PCDH11X: variants seen among roughly 807,000 people sequenced by gnomAD.
PCDH11X encodes protocadherin 11 X-linked, also known as protocadherin-11 X-linked.
Under a neutral mutation model 53.3 loss-of-function variants are expected in PCDH11X, and 18 were observed. The observed-to-expected ratio is 0.34, with a 90% CI of 0.23 to 0.50. PCDH11X has a LOEUF of 0.50. PCDH11X is among the 20% of genes least tolerant of loss of function. PCDH11X has a pLI of 0.98. For missense variants in PCDH11X, 570 were observed against 1,032.4 expected, an observed-to-expected ratio of 0.55 and a Z score of 6.14; for synonymous variants, 279 against 393.3, an observed-to-expected ratio of 0.71 and a Z score of 3.44.
chrX:91,896,143 G>T (rs2147776500), intron 6 of PCDH11X, among the ~76,000 whole-genome samples: 1 of 107,944 alleles, frequency 9.3e-6, no homozygotes, highest in African/African-American at 3.4e-5. Context: ...TATATTTTTT[G>T]AGACAGAGTC....
intron 7 of PCDH11X, among the ~76,000 whole-genome samples, chrX:92,217,746 A>G (rs1014419695): frequency 4.5e-5 from 5 of 110,890 alleles, no homozygotes; most frequent in Non-Finnish European, 9.4e-5. Flanking sequence ...TCAACAGAAT[A>G]TACATTGTTT....
At chrX:92,008,068 G>A (rs1193716538) in intron 6 of PCDH11X, among the ~76,000 whole-genome samples, 1 of 110,912 alleles carries the variant, frequency 9.0e-6, no homozygotes, top group Non-Finnish European at 1.9e-5. Context: ...TCTTCAAGTG[G>A]AAGAAAGGGG....
intron 10 of PCDH11X, among the ~76,000 whole-genome samples, chrX:92,569,226 T>C (rs1231135638): frequency 1.8e-5 from 2 of 110,067 alleles, no homozygotes; most frequent in Non-Finnish European, 3.8e-5. Context: ...TAGAAATTTA[T>C]TTAACCTCCT....
chrX:91,944,978 C>T (rs1293021239), intron 6 of PCDH11X, among the ~76,000 whole-genome samples: 1 of 95,079 alleles, frequency 1.1e-5, no homozygotes, highest in East Asian at 3.7e-4. Context: ...ATCTGTAAGT[C>T]TTTATATTAA....
chrX:91,965,848 A>G (rs1348438377), intron 6 of PCDH11X, among the ~76,000 whole-genome samples: 1 of 111,618 alleles, frequency 9.0e-6, no homozygotes, highest in Non-Finnish European at 1.9e-5. Context: ...AGTGTCCCCA[A>G]AACAGCAGGG....
At chrX:92,436,549 CA>C (rs2072379016) in intron 9 of PCDH11X, among the ~76,000 whole-genome samples, 1 of 111,176 alleles carries the variant, frequency 9.0e-6, no homozygotes, top group African/African-American at 3.3e-5. Context: ...GCACTATTCA[CA>C]ATAGTAAAGA....
intron 6 of PCDH11X, among the ~76,000 whole-genome samples, chrX:91,894,327 C>T (rs1940648280): frequency 9.0e-6 from 1 of 111,527 alleles, no homozygotes; most frequent in South Asian, 3.7e-4. Flanking sequence ...AATAGAGGGT[C>T]ATTATAAAGG....
chrX:92,467,586 A>G (rs1397830561), intron 9 of PCDH11X, among the ~76,000 whole-genome samples: 2 of 111,072 alleles, frequency 1.8e-5, no homozygotes, highest in Admixed American at 1.9e-4. Flanking sequence ...TTAAAAATAG[A>G]CTTTGCTACT....
chrX:91,904,746 A>G, intron 6 of PCDH11X, among the ~76,000 whole-genome samples: 1 of 110,418 alleles, frequency 9.1e-6, no homozygotes, highest in East Asian at 2.9e-4. Flanking sequence ...GACATTCTAT[A>G]ATACATTTAG....
At chrX:92,275,585 G>A (rs891944776) in intron 8 of PCDH11X, among the ~76,000 whole-genome samples, 1 of 111,677 alleles carries the variant, frequency 9.0e-6, no homozygotes, top group Admixed American at 9.5e-5. Context: ...AGTAGAGGGA[G>A]CTATTGAGGA....
chrX:91,924,649 C>T (rs1333989537), intron 6 of PCDH11X, among the ~76,000 whole-genome samples: 1 of 111,750 alleles, frequency 8.9e-6, no homozygotes, highest in East Asian at 2.8e-4. Context: ...TATTTGAGCT[C>T]TCTCATCCTT....
chrX:92,245,909 A>G (rs1377959041), intron 7 of PCDH11X, among the ~76,000 whole-genome samples: 2 of 111,990 alleles, frequency 1.8e-5, no homozygotes, highest in Admixed American at 9.5e-5. Context: ...TAATACTCAA[A>G]CTGATTAAAC....
intron 6 of PCDH11X, among the ~76,000 whole-genome samples, chrX:91,951,426 A>G (rs1264182902): frequency 1.9e-5 from 2 of 105,219 alleles, no homozygotes; most frequent in Non-Finnish European, 3.9e-5. Context: ...TAATAGATCT[A>G]GAAATTATTT....
intron 10 of PCDH11X, among the ~76,000 whole-genome samples, chrX:92,512,612 T>C (rs1390994764): frequency 8.9e-6 from 1 of 112,005 alleles, no homozygotes; most frequent in Admixed American, 9.5e-5. Context: ...AAAATCATAG[T>C]ATCTTTGCAT....
chrX:92,130,447 C>T (rs1293860269), intron 6 of PCDH11X, among the ~76,000 whole-genome samples: 6 of 110,005 alleles, frequency 5.5e-5, no homozygotes, highest in African/African-American at 1.7e-4. Flanking sequence ...GTCAGGAGTT[C>T]GAGACCAGCC....
At chrX:92,161,146 A>T (rs965792882) in intron 6 of PCDH11X, among the ~76,000 whole-genome samples, 3 of 111,250 alleles carry the variant, frequency 2.7e-5, no homozygotes, top group African/African-American at 9.8e-5. Flanking sequence ...TTATGTTTTA[A>T]TGTGTTTCCA....
At chrX:92,208,478 A>G (rs754188511) in intron 7 of PCDH11X, among the ~76,000 whole-genome samples, 1 of 73,479 alleles carries the variant, frequency 1.4e-5, no homozygotes, top group African/African-American at 5.2e-5. Context: ...TAAGAATGTA[A>G]AGAAACAACC....
At chrX:92,367,799 T>C (rs1320181959) in intron 8 of PCDH11X, among the ~76,000 whole-genome samples, 2 of 111,958 alleles carry the variant, frequency 1.8e-5, no homozygotes, top group East Asian at 5.6e-4. Flanking sequence ...AAAATTCTTT[T>C]CTTTAAGAAT....
At chrX:92,369,143 C>A (rs1195845855) in intron 8 of PCDH11X, among the ~76,000 whole-genome samples, 2 of 106,622 alleles carry the variant, frequency 1.9e-5, no homozygotes, top group Non-Finnish European at 3.9e-5. Context: ...GGTGCTCTGT[C>A]CCAGGGAAAT....
Sources: allele counts gnomAD v4.1 joint callset (sites outside exome capture counted in the v4.1 genomes callset), GRCh38; gene constraint gnomAD v4.1.1; transcripts MANE v1.5; gene names NCBI Gene and HGNC (gene_info 2026-07-23, HGNC 2026-07-21).